Variants in DNAH8 observed in about 807,000 individuals in gnomAD.
DNAH8 encodes the protein axonemal beta dynein heavy chain 8.
A neutral mutation model predicts 562.1 loss-of-function variants in DNAH8; 382 were observed. The ratio of observed to expected loss-of-function variants is 0.68; its 90% CI spans 0.63 to 0.74. The LOEUF (loss-of-function observed/expected upper bound fraction) is 0.74. Among genes scored for constraint, DNAH8 ranks in the 30% least tolerant of loss-of-function variants. The pLI is 0.00. For missense variants in DNAH8, 5,203 were observed against 5,620.4 expected (o/e 0.93, Z 2.37); for synonymous variants, 1,881 against 1,919.4 (o/e 0.98, Z 0.52).
intron 43 of DNAH8, among the ~76,000 whole-genome samples, chr6:38,860,968 T>G (rs1356903816): frequency 2.0e-5 from 3 of 152,192 alleles, no homozygotes; most frequent in Non-Finnish European, 4.4e-5. Flanking sequence ...TTTAATTTAG[T>G]CTTTTTTTCA....
At chr6:38,833,290 A>C (rs1197236644) in intron 31 of DNAH8, among the ~76,000 whole-genome samples, 1 of 151,796 alleles carries the variant, frequency 6.6e-6, no homozygotes, top group East Asian at 1.9e-4. Context: ...TTGCTGCCTC[A>C]TTCTATTGTT....
intron 12 of DNAH8, among the ~76,000 whole-genome samples, chr6:38,773,647 T>A (rs1042405756): frequency 1.3e-5 from 2 of 152,106 alleles, no homozygotes; most frequent in African/African-American, 4.8e-5. Context: ...ATCTTTCCCA[T>A]TGGATAATTG....
chr6:38,775,811 G>A lies in DNAH8; in HGVS notation c.1822G>A (p.Glu608Lys). The change falls in exon 13 of 93, where the codon GAA becomes AAA. Residue 608 changes from glutamate to lysine, a missense_variant. This residue lies in a region of DNAH8 where 2,176 missense variants were observed against 2,365.1 expected (regional missense o/e 0.92). Transcript: ENST00000327475. ...TYSTLSNSTI[E>K]GIDIMAIKFR... ...TTCAACCTTGAGTAATTCTACCATA[G>A]AAGGAATAGATATTATGGCAATAAA... 6.3e-7 allele frequency: 1 copy of A among 1,596,386 alleles called. No individual in the cohort carries two copies. Among genetic ancestry groups the A allele is most frequent in the South Asian group, 1.1e-5 (1 of 90,666 alleles).
chr6:38,893,476 T>C (rs1003784867), intron 58 of DNAH8, among the ~76,000 whole-genome samples: 2 of 152,196 alleles, frequency 1.3e-5, no homozygotes, highest in African/African-American at 2.4e-5. Context: ...CAGTTACCAA[T>C]GGCTGCCGTC....
In DNAH8 at chr6:38,896,172, A is replaced by G; in HGVS notation, c.8887A>G (p.Thr2963Ala). ...TTTTCTTCGTGAGATGCCAGAACCA[A>G]CTGGTGATGAACCTGAAGACTCTGT... ...VDFLREMPEP[T>A]GDEPEDSVFE... Residue 2963 changes from threonine (T) to alanine (A), a missense_variant, in exon 60 of 93, where the codon ACT becomes GCT. This residue lies in a region of DNAH8 where 977 missense variants were observed against 1,061.8 expected (regional missense o/e 0.92). Transcript: ENST00000327475. 1.2e-6 allele frequency: 2 copies of G among 1,614,074 alleles called. No individual in the cohort carries two copies. Among genetic ancestry groups the G allele is most frequent in the East Asian group, 2.2e-5 (1 of 44,864 alleles).
At chr6:39,024,606 C>A (rs1011657321) in intron 91 of DNAH8, among the ~76,000 whole-genome samples, 1 of 152,140 alleles carries the variant, frequency 6.6e-6, no homozygotes, top group Non-Finnish European at 1.5e-5. Context: ...GTGGGAAGAT[C>A]ACTTGAGCCC....
intron 1 of DNAH8, among the ~76,000 whole-genome samples, chr6:38,715,937 TATATATATATATATATATATATA>T (rs1562520419): frequency 4.1e-5 from 1 of 24,600 alleles, no homozygotes; most frequent in Non-Finnish European, 7.2e-5. Context: ...TATATATATA[TATATATATATATATATATATATA>T]TTTTTTTTTT....
At chr6:38,768,643 G>A (rs985689525) in intron 11 of DNAH8, among the ~76,000 whole-genome samples, 1 of 151,858 alleles carries the variant, frequency 6.6e-6, no homozygotes, top group African/African-American at 2.4e-5. Context: ...TATTCTTGGG[G>A]AATTTCCCCA....
intron 54 of DNAH8, 92 bp downstream of exon 54, chr6:38,883,144 C>A: frequency 2.2e-6 from 3 of 1,358,414 alleles, no homozygotes; most frequent in Non-Finnish European, 2.0e-6. Context: ...TTTTATAGTA[C>A]ACATTTTACA....
intron 26 of DNAH8, among the ~76,000 whole-genome samples, chr6:38,816,840 T>C (rs781585469): frequency 1.5e-4 from 23 of 152,218 alleles, no homozygotes; most frequent in Non-Finnish European, 2.4e-4. Flanking sequence ...TGATCACTGA[T>C]GTTGAGCTTT....
intron 7 of DNAH8, among the ~76,000 whole-genome samples, chr6:38,740,817 G>A (rs1295649600): frequency 6.6e-6 from 1 of 152,042 alleles, no homozygotes; most frequent in Non-Finnish European, 1.5e-5. Context: ...GTCTTGCCTT[G>A]TTGCCCAGGC....
At chr6:38,978,458 C>T (rs13207718) in intron 85 of DNAH8, among the ~76,000 whole-genome samples, 20,797 of 152,116 alleles carry the variant, frequency 0.14, 1,636 homozygotes, top group Middle Eastern at 0.21. Flanking sequence ...TATAAAATTC[C>T]TCATTTAAAT....
chr6:38,859,588 C>A (rs1776452671), intron 42 of DNAH8, among the ~76,000 whole-genome samples: 1 of 152,152 alleles, frequency 6.6e-6, no homozygotes, highest in African/African-American at 2.4e-5. Flanking sequence ...TCTGAATGGG[C>A]AGGACTGGTG....
intron 88 of DNAH8, among the ~76,000 whole-genome samples, chr6:39,000,636 G>A (rs1476024388): frequency 6.6e-6 from 1 of 152,294 alleles, no homozygotes; most frequent in African/African-American, 2.4e-5. Flanking sequence ...AGATGGGACC[G>A]TCTAGTTTCA....
At chr6:38,763,001 C>A in intron 11 of DNAH8, 1 of 396,028 alleles carries the variant, frequency 2.5e-6, no homozygotes, top group Non-Finnish European at 5.0e-6. Flanking sequence ...TGGACTTAGC[C>A]ATGTAAGATA....
At chr6:39,029,956 G>A (rs550546605) in intron 92 of DNAH8, 149 bp from the exon 93 acceptor site, 21 of 648,966 alleles carry the variant, frequency 3.2e-5, no homozygotes, top group East Asian at 2.2e-4. Flanking sequence ...AGTATTTCAC[G>A]AATGCAATGT....
At chr6:38,800,619 C>T (rs569140120) in intron 21 of DNAH8, among the ~76,000 whole-genome samples, 83 of 152,210 alleles carry the variant, frequency 5.5e-4, no homozygotes, top group Admixed American at 1.7e-3. Context: ...TGGGTTCAAG[C>T]GATTCTCCTG....
At chr6:38,835,299 C>T (rs1431496545) in intron 32 of DNAH8, among the ~76,000 whole-genome samples, 2 of 146,162 alleles carry the variant, frequency 1.4e-5, no homozygotes, top group Non-Finnish European at 3.0e-5. Context: ...TCCCCTTTCC[C>T]ACCTGCATTC....
At chr6:39,026,740 A>G in intron 92 of DNAH8, 73 bp downstream of exon 92, 2 of 1,528,196 alleles carry the variant, frequency 1.3e-6, no homozygotes, top group Non-Finnish European at 1.8e-6. Flanking sequence ...CTTAAAACTG[A>G]GCTATGAGTG....
Sources: gnomAD v4.1 joint callset for allele counts (sites outside exome capture counted in the v4.1 genomes callset) on GRCh38, gnomAD v4.1.1 for gene constraint, gnomAD v4.1.1 regional missense constraint, MANE v1.5 for transcripts, NCBI Gene and HGNC (gene_info 2026-07-23, HGNC 2026-07-21) for gene names.